PCDHGA2: variants seen among roughly 807,000 people sequenced by gnomAD.
The protein encoded by PCDHGA2 is protocadherin gamma subfamily A, 2, also known as protocadherin gamma-A2.
In PCDHGA2, 40 loss-of-function variants were observed where a neutral mutation model predicts 59.2. That is an observed-to-expected ratio of 0.68 (90% confidence interval 0.52 to 0.88). The LOEUF (loss-of-function observed/expected upper bound fraction) is 0.88, where lower values mean the gene tolerates loss of function less well. Among genes scored for constraint, PCDHGA2 ranks in the 40% least tolerant of loss-of-function variants. The probability of loss-of-function intolerance (pLI) is 0.00; values close to 1 mark genes in which losing one functional copy is unlikely to be tolerated. For synonymous variants in PCDHGA2, 560 were observed against 526.0 expected (o/e 1.06, Z -0.89); for missense variants, 1,226 against 1,204.0 (o/e 1.02, Z -0.27).
intron 1 of PCDHGA2, among the ~76,000 whole-genome samples, chr5:141,454,900 C>T (rs1411402448): frequency 1.4e-5 from 2 of 145,486 alleles, no homozygotes; most frequent in African/African-American, 2.6e-5. Flanking sequence ...CACCGCCTCC[C>T]GGGTTCACGC....
intron 3 of PCDHGA2, among the ~76,000 whole-genome samples, chr5:141,506,011 C>T (rs1209221520): frequency 6.6e-6 from 1 of 152,204 alleles, no homozygotes; most frequent in Non-Finnish European, 1.5e-5. Flanking sequence ...TCCTCTTTTG[C>T]TGCCCCTAAC....
rs764337284 is a variant in PCDHGA2, at chr5:141,490,255, G to A, written c.2425-4552G>A. Reference sequence around the variant, plus strand: ...GGAGGGCCACTGTGTGATTCAAGTGGATGTGGGGGATGTCAATGACAATGC... The same window carrying A: ...GGAGGGCCACTGTGTGATTCAAGTGAATGTGGGGGATGTCAATGACAATGC... On this transcript the variant is annotated intron_variant, in intron 1 of 3. Transcript: ENST00000394576. The surrounding 1 kb of genome is among the most constrained non-coding windows in gnomAD (Gnocchi z 5.4). 6 of 1,614,118 alleles carry A rather than the reference G, an allele frequency of 3.7e-6. No individual in the cohort carries two copies. In the Admixed American group the frequency reaches 6.7e-5, roughly 18 times the overall value.
rs753664223 is a variant in PCDHGA2 at position 141,410,518 on chromosome 5, C to G, written c.2424+69123C>G. 5.0e-6 allele frequency: 8 copies of G among 1,613,820 alleles called. No homozygotes were observed. In the East Asian group the frequency reaches 1.8e-4, roughly 36 times the overall value. On this transcript the variant is annotated intron_variant, in intron 1 of 3. Coordinates refer to ENST00000394576, the MANE Select transcript of PCDHGA2 (RefSeq NM_018915.4). ...TTAATTTCCTAAAATGCAGTGTGCC[C>G]CTACATTCCAATGAAGACATGGTTT...
At chr5:141,505,935 C>T (rs2099849264) in intron 3 of PCDHGA2, among the ~76,000 whole-genome samples, 1 of 152,146 alleles carries the variant, frequency 6.6e-6, no homozygotes, top group African/African-American at 2.4e-5. Flanking sequence ...CGCTTGGAAG[C>T]CCTCAAGCAA....
chr5:141,374,658 C>T (rs760635815), intron 1 of PCDHGA2: 1 of 1,611,764 alleles, frequency 6.2e-7, no homozygotes, highest in Non-Finnish European at 8.5e-7. Flanking sequence ...CCCAAGTACC[C>T]GGAGCTGGTG....
chr5:141,407,406 C>T (rs971404616), intron 1 of PCDHGA2, among the ~76,000 whole-genome samples: 2 of 152,090 alleles, frequency 1.3e-5, no homozygotes, highest in East Asian at 3.8e-4. Flanking sequence ...AGTTACTATT[C>T]GATACCACAA....
intron 1 of PCDHGA2, among the ~76,000 whole-genome samples, chr5:141,362,811 T>G (rs920763792): frequency 6.6e-6 from 1 of 152,256 alleles, no homozygotes; most frequent in African/African-American, 2.4e-5. Context: ...ACATTACTTC[T>G]CTCTGCAGAT....
At chr5:141,349,281 G>C (rs1219532810) in intron 1 of PCDHGA2, among the ~76,000 whole-genome samples, 1 of 152,078 alleles carries the variant, frequency 6.6e-6, no homozygotes, top group East Asian at 1.9e-4. Flanking sequence ...TGTTGGACAG[G>C]CTAGTCTCAA....
chr5:141,395,654 A>G (rs1462491005), intron 1 of PCDHGA2: 1 of 164,436 alleles, frequency 6.1e-6, no homozygotes, highest in Admixed American at 6.1e-5. Context: ...AGCTTAGCAA[A>G]AGTAAAATAT....
chr5:141,487,921 A>G lies in PCDHGA2; in HGVS notation c.2425-6886A>G, dbSNP rs17097340. On this transcript the variant is annotated intron_variant, in intron 1 of 3. Coordinates refer to ENST00000394576, the MANE Select transcript of PCDHGA2 (RefSeq NM_018915.4). This position sits in a 1 kb window ranked among gnomAD's most constrained non-coding sequence, Gnocchi z 5.0. ...GGAATGTGGGAGCACAGGAGGCTAC[A>G]GTGCACAGGGTACAGTGCACCAGGC... 0.15 allele frequency: 93,556 copies of G among 639,124 alleles called. 7,160 individuals carry two copies. The highest frequency in any genetic ancestry group is 0.21 in the African/African-American group (11,270 of 54,532). 39.6% of individuals were successfully genotyped at this position (639,124 alleles called of 1,614,324 possible).
At position 141,340,484 on chromosome 5, in the gene PCDHGA2, A is replaced by C. The variant is rs199835971; in HGVS notation, c.1513A>C (p.Ile505Leu). Residue 505 changes from isoleucine (I) to leucine (L), a missense_variant, in exon 1 of 4, where the codon ATC becomes CTC. Physicochemically the swap from Ile to Leu is conservative, Grantham distance 5 (BLOSUM62 2). Coordinates refer to ENST00000394576, the MANE Select transcript of PCDHGA2 (RefSeq NM_018915.4). ...TVQGAPLSSY[I>L]SINSDTGVLY... ...TCAGGGGGCACCCTTATCCTCTTACATCTCTATCAACTCCGACACTGGAGT... is the reference window on the plus strand; with the variant it reads ...TCAGGGGGCACCCTTATCCTCTTACCTCTCTATCAACTCCGACACTGGAGT... 6.2e-7 allele frequency: 1 copy of C among 1,614,098 alleles called. No individual in the cohort carries two copies. Among genetic ancestry groups the C allele is most frequent in the African/African-American group, 1.3e-5 (1 of 75,014 alleles).
At chr5:141,355,408 G>A (rs543235054) in intron 1 of PCDHGA2, 3 of 1,614,114 alleles carry the variant, frequency 1.9e-6, no homozygotes, top group South Asian at 1.1e-5. Flanking sequence ...CGTCTCCAGA[G>A]GTAGGACGCA....
rs1036779864 is a variant in PCDHGA2 at position 141,379,823 on chromosome 5, T to C, written c.2424+38428T>C. 3.3e-5 allele frequency among the ~76,000 whole-genome samples: 5 copies of C among 150,450 alleles called. No homozygotes were observed. In the East Asian group the frequency reaches 9.7e-4, roughly 29 times the overall value. On this transcript the variant is annotated intron_variant, in intron 1 of 3. Transcript: ENST00000394576. ...GTTTTGAGAGTTCAGTATAGAATTT[T>C]GAAGCATCAGGAAAAAAAACTACCA... is the stretch of plus-strand genomic sequence containing the variant.
chr5:141,487,884 A>G lies in PCDHGA2; in HGVS notation c.2425-6923A>G. 1.3e-6 allele frequency: 1 copy of G among 766,716 alleles called. No homozygotes were observed. Among genetic ancestry groups the G allele is most frequent in the Non-Finnish European group, 2.1e-6 (1 of 481,170 alleles). 47.5% of individuals were successfully genotyped at this position (766,716 alleles called of 1,614,324 possible). On this transcript the variant is annotated intron_variant, in intron 1 of 3. Transcript: ENST00000394576. The surrounding 1 kb of genome is among the most constrained non-coding windows in gnomAD (Gnocchi z 5.0). ...GTGATCAAGAGCCAGGCTGTTGTGG[A>G]AGCATGATGATGGAATGTGGGAGCA...
rs142588721 is a variant in PCDHGA2 at position 141,341,068 on chromosome 5, G to A, written c.2097G>A (p.Ala699=). 6.2e-7 allele frequency: 1 copy of A among 1,614,158 alleles called. No homozygotes were observed. The highest frequency in any genetic ancestry group is 8.5e-7 in the Non-Finnish European group (1 of 1,180,022). ...TGTACCTGGTGGTGGCGGTGGCCGC[G>A]GTCTCCTGCGTCTTCCTGGCCTTCG... The part of the protein sequence containing the change: ...LTLYLVVAVA[A]VSCVFLAFVI... The change falls in exon 1 of 4, where the codon GCG becomes GCA. Residue 699 remains alanine (A), a synonymous_variant. Transcript: ENST00000394576.
intron 1 of PCDHGA2, among the ~76,000 whole-genome samples, chr5:141,488,261 G>T (rs993627373): frequency 6.6e-6 from 1 of 152,148 alleles, no homozygotes; most frequent in Non-Finnish European, 1.5e-5. Flanking sequence ...GGTTGGGGCG[G>T]GTTGGTCATC....
chr5:141,432,449 T>C lies in PCDHGA2; in HGVS notation c.2425-62358T>C. 5.6e-6 allele frequency: 9 copies of C among 1,614,220 alleles called. No individual in the cohort carries two copies. The highest frequency in any genetic ancestry group is 7.6e-6 in the Non-Finnish European group (9 of 1,180,038). On this transcript the variant is annotated intron_variant, in intron 1 of 3. Coordinates refer to ENST00000394576, the MANE Select transcript of PCDHGA2 (RefSeq NM_018915.4). The surrounding 1 kb of genome is among the most constrained non-coding windows in gnomAD (Gnocchi z 6.0). The stretch of plus-strand genomic sequence containing the variant: ...GAACGACAATGCGCCCGAGATCCTG[T>C]ACCCCGCCCTCCCCACGGACGGTTC...
chr5:141,476,412 G>T lies in PCDHGA2; in HGVS notation c.2425-18395G>T. The T allele has an allele frequency of 1.2e-6, 2 of 1,614,140 alleles. No homozygotes were observed. Among genetic ancestry groups the T allele is most frequent in the Non-Finnish European group, 1.7e-6 (2 of 1,180,010 alleles). On this transcript the variant is annotated intron_variant, in intron 1 of 3. Coordinates refer to ENST00000394576, the MANE Select transcript of PCDHGA2 (RefSeq NM_018915.4). The surrounding 1 kb of genome is among the most constrained non-coding windows in gnomAD (Gnocchi z 7.6). ...CGTCTGGATCGAGAGGAGCTGTGTGGGACACTGCCCTCTTGCACTGTAACT... is the reference window on the plus strand; with the variant it reads ...CGTCTGGATCGAGAGGAGCTGTGTGTGACACTGCCCTCTTGCACTGTAACT...
chr5:141,375,700 C>T (rs746996990), intron 1 of PCDHGA2: 9 of 1,614,270 alleles, frequency 5.6e-6, no homozygotes, highest in Middle Eastern at 3.3e-4. Flanking sequence ...ACAGCGGGGA[C>T]CCGCCTCTTA....
Sources: gnomAD v4.1 joint callset for allele counts (sites outside exome capture counted in the v4.1 genomes callset) on GRCh38, gnomAD v4.1.1 for gene constraint, Gnocchi (gnomAD v3.1) non-coding constraint, MANE v1.5 for transcripts, NCBI Gene and HGNC (gene_info 2026-07-23, HGNC 2026-07-21) for gene names.